Variants in DOHH observed in about 807,000 individuals in gnomAD.
DOHH encodes deoxyhypusine hydroxylase.
A neutral mutation model predicts 19.9 loss-of-function variants in DOHH; 16 were observed. That is an observed-to-expected ratio of 0.80 (90% CI 0.54 to 1.22). The LOEUF (loss-of-function observed/expected upper bound fraction) is 1.22, where lower values mean the gene tolerates loss of function less well. Ranked by LOEUF, DOHH falls within the 50% of genes most tolerant of loss-of-function variation. The probability of loss-of-function intolerance (pLI) is 0.00; values close to 1 mark genes in which losing one functional copy is unlikely to be tolerated. For synonymous variants in DOHH, 233 were observed against 217.0 expected (o/e 1.07, Z -0.65); for missense variants, 460 against 460.6 (o/e 1.00, Z 0.01).
chr19:3,499,389 G>C (rs543969118), intron 1 of DOHH, among the ~76,000 whole-genome samples: 2 of 152,324 alleles, frequency 1.3e-5, no homozygotes, highest in African/African-American at 4.8e-5. Flanking sequence ...CATTAGAATA[G>C]AACTCTGAAG....
chr19:3,493,888 G>A (rs953436943), intron 3 of DOHH, 140 bp downstream of exon 3: 19 of 705,798 alleles, frequency 2.7e-5, no homozygotes, highest in Non-Finnish European at 4.1e-5. Flanking sequence ...TCATCCCTGG[G>A]GCATCCTTGG....
rs761870531 is a variant in DOHH at position 3,491,746 on chromosome 19, C to CGGTT, written c.654_655insAACC (p.Glu219AsnfsTer54). On this transcript the variant is annotated frameshift_variant, in exon 5 of 5. Transcript: ENST00000427575. LOFTEE classifies it low-confidence loss of function (END_TRUNC). This position sits in a 1 kb window ranked among gnomAD's most constrained non-coding sequence, Gnocchi z 5.6. ...GCCGCCAGCTGGGGCACCGCCGCCT[C>CGGTT]GTGCTGCAGCTGTCCCAGGACGTAG... 1,512 of 1,511,436 alleles carry CGGTT rather than the reference C, an allele frequency of 1.0e-3. No individual in the cohort carries two copies. The highest frequency in any genetic ancestry group is 1.3e-3 in the Non-Finnish European group (1,423 of 1,132,714). The allele number at this position is 1,511,436 out of a possible 1,614,324, so 93.6% of individuals were successfully genotyped here.
At chr19:3,493,014 AG>A (rs1443969921) in intron 3 of DOHH, among the ~76,000 whole-genome samples, 8 of 148,878 alleles carry the variant, frequency 5.4e-5, no homozygotes, top group Admixed American at 2.6e-4. Flanking sequence ...GATGTGGACA[AG>A]AAGTGGCAGG....
chr19:3,498,296 T>C (rs1206521883), intron 1 of DOHH, among the ~76,000 whole-genome samples: 3 of 152,138 alleles, frequency 2.0e-5, no homozygotes, highest in Admixed American at 6.5e-5. Flanking sequence ...AAGTTAAACA[T>C]TAAAAGCTAA....
At chr19:3,500,098 C>T (rs1038704161) in intron 1 of DOHH, among the ~76,000 whole-genome samples, 4 of 119,516 alleles carry the variant, frequency 3.3e-5, no homozygotes, top group African/African-American at 1.2e-4. Context: ...GGAGAAGGGA[C>T]CCCTCTCTTT....
chr19:3,499,963 T>G (rs981506846), intron 1 of DOHH, among the ~76,000 whole-genome samples: 1 of 152,200 alleles, frequency 6.6e-6, no homozygotes, highest in African/African-American at 2.4e-5. Flanking sequence ...AGTTTGGGAC[T>G]GTGCTTGGGA....
chr19:3,494,886 G>C (rs961644496), intron 2 of DOHH, among the ~76,000 whole-genome samples: 1 of 152,202 alleles, frequency 6.6e-6, no homozygotes, highest in Non-Finnish European at 1.5e-5. Flanking sequence ...TGAGCTCACT[G>C]GTTACAGAAA....
At position 3,496,987 on chromosome 19, in the gene DOHH, C is replaced by G; in HGVS notation, c.-72-101G>C. The G allele has an allele frequency of 1.3e-6, 1 of 776,500 alleles. No individual in the cohort carries two copies. The allele number at this position is 776,500 out of a possible 1,614,324, so 48.1% of individuals were successfully genotyped here. On this transcript the variant is annotated intron_variant, in intron 1 of 4. Coordinates refer to ENST00000427575, the MANE Select transcript of DOHH (RefSeq NM_001145165.2). The surrounding 1 kb of genome is among the most constrained non-coding windows in gnomAD (Gnocchi z 4.8). ...GGCAAATTCCTACCCACTGACCAAC[C>G]TGAGCATCTACGCTGAAAGCTCAGC...
chr19:3,499,187 C>T (rs953487740), intron 1 of DOHH, among the ~76,000 whole-genome samples: 3 of 152,318 alleles, frequency 2.0e-5, no homozygotes, highest in South Asian at 4.1e-4. Flanking sequence ...CAGGAACACC[C>T]GTGCTCATCC....
chr19:3,495,631 G>A (rs61318746), intron 2 of DOHH, among the ~76,000 whole-genome samples: 8 of 152,210 alleles, frequency 5.3e-5, no homozygotes, highest in East Asian at 1.9e-4. Flanking sequence ...GGTTTAAGGC[G>A]GGGTGCGATG....
Position 3,491,738 on chromosome 19 carries a change from C to A in DOHH, c.663G>T (p.Ala221=). Residue 221 remains alanine, a synonymous_variant, in exon 5 of 5, where the codon GCG becomes GCT. Coordinates refer to ENST00000427575, the MANE Select transcript of DOHH (RefSeq NM_001145165.2). This position sits in a 1 kb window ranked among gnomAD's most constrained non-coding sequence, Gnocchi z 5.6. The part of the protein sequence containing the change: ...YVLGQLQHEA[A]VPQLAAALAR... Reference sequence around the variant, plus strand: ...CCAGGGCGGCCGCCAGCTGGGGCACCGCCGCCTCGTGCTGCAGCTGTCCCA... The same window carrying A: ...CCAGGGCGGCCGCCAGCTGGGGCACAGCCGCCTCGTGCTGCAGCTGTCCCA... 6.6e-7 allele frequency: 1 copy of A among 1,511,156 alleles called. No homozygotes were observed. The highest frequency in any genetic ancestry group is 8.8e-7 in the Non-Finnish European group (1 of 1,132,760). 93.6% of individuals were successfully genotyped at this position (1,511,156 alleles called of 1,614,324 possible). A position where few individuals can be genotyped will look rare whatever the true frequency, so the allele number is the denominator to read the frequency against.
Position 3,492,322 on chromosome 19 carries a change from G to T in DOHH, c.529C>A (p.Arg177Ser). Residue 177 changes from arginine to serine, a missense_variant, in exon 4 of 5, where the codon CGC becomes AGC. Coordinates refer to ENST00000427575, the MANE Select transcript of DOHH (RefSeq NM_001145165.2). ...GCGTTGCGCAGGGCGAACATGGCGC[G>T]GTATCGCTCGAAGAGCGGCCGGGAC... ...DESRPLFERY[R>S]AMFALRNAGG... 1.9e-6 allele frequency: 3 copies of T among 1,543,986 alleles called. No individual in the cohort carries two copies. Among genetic ancestry groups the T allele is most frequent in the Non-Finnish European group, 2.6e-6 (3 of 1,152,832 alleles).
intron 1 of DOHH, among the ~76,000 whole-genome samples, 189 bp downstream of exon 1, chr19:3,500,372 C>G (rs985692233): frequency 2.0e-5 from 3 of 152,156 alleles, no homozygotes; most frequent in Admixed American, 2.0e-4. Flanking sequence ...AGCTTCAGGA[C>G]GTGAGGTGGG....
intron 1 of DOHH, among the ~76,000 whole-genome samples, chr19:3,497,833 G>A (rs926513235): frequency 6.6e-6 from 1 of 151,676 alleles, no homozygotes; most frequent in Admixed American, 6.6e-5. Flanking sequence ...TCACTTCTAT[G>A]TTGCCCAGGC....
intron 2 of DOHH, among the ~76,000 whole-genome samples, chr19:3,495,371 G>A (rs899452548): frequency 6.6e-6 from 1 of 152,156 alleles, no homozygotes; most frequent in Non-Finnish European, 1.5e-5. Flanking sequence ...CAACCTCCCT[G>A]GCTCAAGTAA....
chr19:3,494,136 G>C, intron 2 of DOHH, 32 bp from the exon 3 acceptor site: 2 of 1,599,470 alleles, frequency 1.3e-6, no homozygotes, highest in Non-Finnish European at 1.7e-6. Context: ...GCTCATGTTG[G>C]TGGGGTGGAT....
Position 3,491,432 on chromosome 19 carries a change from C to T in DOHH, c.*60G>A, listed in dbSNP as rs534109410. 324 of 1,480,292 alleles carry T rather than the reference C, an allele frequency of 2.2e-4. 1 individual carries two copies. In the African/African-American group the frequency reaches 3.5e-3, roughly 16 times the overall value. The allele number at this position is 1,480,292 out of a possible 1,614,324, so 91.7% of individuals were successfully genotyped here. On this transcript the variant is annotated 3_prime_UTR_variant, in exon 5 of 5. Coordinates refer to ENST00000427575, the MANE Select transcript of DOHH (RefSeq NM_001145165.2). This position sits in a 1 kb window ranked among gnomAD's most constrained non-coding sequence, Gnocchi z 5.6. ...CACACACCCGGTTTAGACGCCAAAG[C>T]TCTGCGGGGGAGGAGCGGCCCTCAA...
chr19:3,500,278 G>A (rs919878035), intron 1 of DOHH, among the ~76,000 whole-genome samples: 4 of 152,192 alleles, frequency 2.6e-5, no homozygotes, highest in African/African-American at 4.8e-5. Flanking sequence ...CACCTTTAAA[G>A]AGGGGTCATC....
intron 2 of DOHH, among the ~76,000 whole-genome samples, chr19:3,494,978 ATT>A (rs35239692): frequency 9.0e-4 from 129 of 143,860 alleles, no homozygotes; most frequent in East Asian, 2.0e-3. Flanking sequence ...ACAACAGTCC[ATT>A]TTTTTTTTTT....
Sources: gnomAD v4.1 joint callset for allele counts (sites outside exome capture counted in the v4.1 genomes callset) on GRCh38, gnomAD v4.1.1 for gene constraint, Gnocchi (gnomAD v3.1) non-coding constraint, MANE v1.5 for transcripts, NCBI Gene and HGNC (gene_info 2026-07-23, HGNC 2026-07-21) for gene names.